The following NMU variants were observed in gnomAD, a reference collection of about 807,000 sequenced individuals.
The protein encoded by NMU is neuromedin-U.
In NMU, 29 loss-of-function variants were observed where a neutral mutation model predicts 35.4. The ratio of observed to expected loss-of-function variants is 0.82; its 90% CI spans 0.61 to 1.12. The LOEUF is 1.12. Ranked by LOEUF, NMU falls within the 50% of genes most tolerant of loss-of-function variation. The pLI is 0.00. For synonymous variants in NMU, 78 were observed against 81.3 expected, an observed-to-expected ratio of 0.96 and a Z score of 0.22; for missense variants, 199 against 206.2, an observed-to-expected ratio of 0.97 and a Z score of 0.21.
At chr4:55,600,194 A>G (rs1733364523) in intron 8 of NMU, among the ~76,000 whole-genome samples, 1 of 152,154 alleles carries the variant, frequency 6.6e-6, no homozygotes, top group African/African-American at 2.4e-5. Flanking sequence ...AAAATTTTGT[A>G]AATAATTCCA....
At chr4:55,599,064 C>G (rs929020332) in intron 9 of NMU, 78 bp downstream of exon 9, 2 of 943,794 alleles carry the variant, frequency 2.1e-6, no homozygotes, top group Non-Finnish European at 3.3e-6. Context: ...TTGAAAACAA[C>G]AGCAAATGTC....
chr4:55,596,527 A>G (rs1390903775), intron 9 of NMU, among the ~76,000 whole-genome samples: 1 of 152,054 alleles, frequency 6.6e-6, no homozygotes, highest in African/African-American at 2.4e-5. Flanking sequence ...TTATAATATT[A>G]TAAAAGATAA....
At chr4:55,607,377 A>G (rs1733730570) in intron 5 of NMU, 29 bp from the exon 6 acceptor site, 10 of 1,440,972 alleles carry the variant, frequency 6.9e-6, no homozygotes, top group Non-Finnish European at 8.8e-6. Context: ...AAGTTTTACT[A>G]TAAAAATTAA....
intron 2 of NMU, among the ~76,000 whole-genome samples, chr4:55,618,921 G>A (rs1450750492): frequency 2.1e-5 from 3 of 141,394 alleles, no homozygotes; most frequent in East Asian, 2.1e-4. Context: ...CCAGATTGCA[G>A]TGCAGTGGTA....
chr4:55,624,128 AC>A (rs1734423105), intron 2 of NMU, among the ~76,000 whole-genome samples: 2 of 150,792 alleles, frequency 1.3e-5, no homozygotes, highest in South Asian at 4.3e-4. Flanking sequence ...TCATGACTAA[AC>A]ACCAAAAGCA....
intron 2 of NMU, among the ~76,000 whole-genome samples, chr4:55,625,105 A>G: frequency 7.9e-6 from 1 of 126,468 alleles, no homozygotes; most frequent in African/African-American, 2.9e-5. Flanking sequence ...CCAGCATGGC[A>G]CATGTATACA....
Position 55,636,109 on chromosome 4 carries a change from C to CAGG in NMU, c.83_84insCCT (p.Leu29dup). 2 of 1,464,222 alleles carry CAGG rather than the reference C, an allele frequency of 1.4e-6. No individual in the cohort carries two copies. The highest frequency in any genetic ancestry group is 1.8e-6 in the Non-Finnish European group (2 of 1,105,524). The allele number at this position is 1,464,222 out of a possible 1,614,324, so 90.7% of individuals were successfully genotyped here. A position where few individuals can be genotyped will look rare whatever the true frequency, so the allele number is the denominator to read the frequency against. The stretch of plus-strand genomic sequence containing the variant: ...GGCAGGCGCCCGCGCACCAGGCGAG[C>CAGG]AGCAGCAGCAGCAGCAGGAGCGGGG... On this transcript the variant is annotated inframe_insertion, in exon 1 of 10. Coordinates refer to ENST00000264218, the MANE Select transcript of NMU (RefSeq NM_006681.4). The surrounding 1 kb of genome is among the most constrained non-coding windows in gnomAD (Gnocchi z 4.0).
intron 2 of NMU, 116 bp downstream of exon 2, chr4:55,630,286 T>C: frequency 1.2e-6 from 1 of 839,450 alleles, no homozygotes; most frequent in Non-Finnish European, 1.9e-6. Context: ...TTCTGGGTTT[T>C]ATTATTAGAG....
At chr4:55,629,338 T>C (rs1734667499) in intron 2 of NMU, among the ~76,000 whole-genome samples, 1 of 151,798 alleles carries the variant, frequency 6.6e-6, no homozygotes, top group Non-Finnish European at 1.5e-5. Flanking sequence ...TGGGCTGAAG[T>C]GGTCGGGTGC....
At chr4:55,596,709 C>G (rs531240339) in intron 9 of NMU, among the ~76,000 whole-genome samples, 4 of 152,232 alleles carry the variant, frequency 2.6e-5, no homozygotes, top group Non-Finnish European at 5.9e-5. Context: ...GTCCCATGAG[C>G]ACATTAAATT....
chr4:55,620,026 A>G (rs1734323090), intron 2 of NMU, among the ~76,000 whole-genome samples: 1 of 148,660 alleles, frequency 6.7e-6, no homozygotes, highest in Non-Finnish European at 1.5e-5. Flanking sequence ...TATCACCATC[A>G]TCAAAGACCA....
rs748580274 is a variant in NMU at position 55,600,528 on chromosome 4, TA to T, written c.482del (p.Leu161TyrfsTer20). 6.2e-7 allele frequency: 1 copy of T among 1,606,202 alleles called. No individual in the cohort carries two copies. The highest frequency in any genetic ancestry group is 8.5e-7 in the Non-Finnish European group (1 of 1,173,146). Reference protein sequence around the residue: ...PFASQSRGYFLFRPRNGRRSA... With the variant: ...PFASQSRGYFXFRPRNGRRSA... ...AAATACAGTATGTACCTACCCTGAA[TA>T]AAAAATATCCTCGACTTTGACTTGC... On this transcript the variant is annotated frameshift_variant, in exon 8 of 10. Transcript: ENST00000264218. LOFTEE classifies it high-confidence loss of function.
intron 3 of NMU, among the ~76,000 whole-genome samples, chr4:55,614,174 A>T (rs959326324): frequency 7.2e-5 from 11 of 152,156 alleles, no homozygotes; most frequent in Non-Finnish European, 1.5e-4. Flanking sequence ...AAACTAAAAA[A>T]TTATAAGATG....
chr4:55,607,324 G>C lies in NMU; in HGVS notation c.334C>G (p.Gln112Glu), dbSNP rs1443279076. 6.2e-7 allele frequency: 1 copy of C among 1,607,610 alleles called. No individual in the cohort carries two copies. The highest frequency in any genetic ancestry group is 1.3e-5 in the African/African-American group (1 of 74,710). Residue 112 changes from glutamine (Q) to glutamate (E), a missense_variant, in exon 6 of 10, where the codon CAG (glutamine) becomes GAG (glutamate). Coordinates refer to ENST00000264218, the MANE Select transcript of NMU (RefSeq NM_006681.4). ...ACAACATTTGACTTGCCCAACTTCT[G>C]TGTCTTCGAATAATGAAATAAGAAC... ...KRFLFHYSKT[Q>E]KLGKSNVVSS... is the part of the protein sequence containing the mutation.
chr4:55,600,210 C>G (rs1229368701), intron 8 of NMU, among the ~76,000 whole-genome samples: 1 of 151,680 alleles, frequency 6.6e-6, no homozygotes, highest in Admixed American at 6.6e-5. Context: ...TTCCATAGAA[C>G]ATAAGGAATA....
chr4:55,603,101 G>A (rs1733488896), intron 7 of NMU, among the ~76,000 whole-genome samples: 1 of 152,000 alleles, frequency 6.6e-6, no homozygotes, highest in Non-Finnish European at 1.5e-5. Flanking sequence ...TGGTTCAAAC[G>A]ATTCTCCTGC....
chr4:55,618,073 G>A (rs1483229923), intron 2 of NMU, among the ~76,000 whole-genome samples: 1 of 152,180 alleles, frequency 6.6e-6, no homozygotes, highest in Non-Finnish European at 1.5e-5. Context: ...TAATGGTTTT[G>A]AATGCCACTG....
At chr4:55,603,924 A>T (rs375543530) in intron 7 of NMU, among the ~76,000 whole-genome samples, 565 of 52,212 alleles carry the variant, frequency 0.011, 44 homozygotes, top group East Asian at 0.048. Context: ...AAAAAAAAAA[A>T]AAATATATAT....
In NMU at chr4:55,618,491, G is replaced by C. The variant is rs553626860; in HGVS notation, c.172-2106C>G. ...GTGTTTGGTTTTCTGTTCCTGTGTT[G>C]GTTTGCTGTAGCTCTGTAATTTTTA... On this transcript the variant is annotated intron_variant, in intron 2 of 9. Coordinates refer to ENST00000264218, the MANE Select transcript of NMU (RefSeq NM_006681.4). Among the ~76,000 whole-genome samples, 3 of 152,052 alleles carry C rather than the reference G, an allele frequency of 2.0e-5. No homozygotes were observed. In the East Asian group the frequency reaches 5.8e-4, roughly 29 times the overall value.
Sources: allele counts gnomAD v4.1 joint callset (sites outside exome capture counted in the v4.1 genomes callset), GRCh38; gene constraint gnomAD v4.1.1; non-coding constraint Gnocchi (gnomAD v3.1); transcripts MANE v1.5; gene names NCBI Gene and HGNC (gene_info 2026-07-23, HGNC 2026-07-21).